The following ZNF385D variants were observed in gnomAD, a reference collection of about 807,000 sequenced individuals.
The protein encoded by ZNF385D is zinc finger protein 385D.
ZNF385D carries 15 observed loss-of-function variants against 35.8 expected under a neutral mutation model. The observed-to-expected ratio is 0.42, with a 90% CI of 0.28 to 0.64. The LOEUF (loss-of-function observed/expected upper bound fraction) is 0.64. Among genes scored for constraint, ZNF385D ranks in the 30% least tolerant of loss-of-function variants. The pLI is 0.23. For missense variants in ZNF385D, 474 were observed against 494.6 expected, an observed-to-expected ratio of 0.96 and a Z score of 0.39; for synonymous variants, 212 against 186.8, an observed-to-expected ratio of 1.13 and a Z score of -1.10.
chr3:21,744,330 A>C (rs12630043), intron 1 of ZNF385D, among the ~76,000 whole-genome samples: 13,162 of 152,290 alleles, frequency 0.086, 924 homozygotes, highest in East Asian at 0.28. Context: ...TTGCGTTTTT[A>C]TCCTCAGAGC....
intron 2 of ZNF385D, among the ~76,000 whole-genome samples, chr3:22,285,760 A>G (rs1701992577): frequency 6.6e-6 from 1 of 152,118 alleles, no homozygotes; most frequent in Non-Finnish European, 1.5e-5. Context: ...TTAGAAATTA[A>G]CATTCACTTT....
intron 2 of ZNF385D, among the ~76,000 whole-genome samples, chr3:22,241,867 C>A: frequency 6.6e-6 from 1 of 150,778 alleles, no homozygotes. Flanking sequence ...CTTGAATATT[C>A]TGAATATAGT....
intron 3 of ZNF385D, among the ~76,000 whole-genome samples, chr3:21,982,259 T>C (rs1331064122): frequency 1.3e-5 from 2 of 152,130 alleles, no homozygotes; most frequent in East Asian, 1.9e-4. Context: ...TTGAGCAATG[T>C]TTTGTAATTC....
intron 3 of ZNF385D, among the ~76,000 whole-genome samples, chr3:22,069,782 A>G (rs1700142005): frequency 1.3e-5 from 2 of 152,088 alleles, no homozygotes; most frequent in African/African-American, 2.4e-5. Context: ...ACATGGCCCT[A>G]TTGCTTTTCT....
chr3:22,164,092 AAT>A (rs1334306471), intron 3 of ZNF385D, among the ~76,000 whole-genome samples: 1 of 152,178 alleles, frequency 6.6e-6, no homozygotes, highest in South Asian at 2.1e-4. Flanking sequence ...TAAAAGAAAT[AAT>A]ATGTTTCTAT....
intron 3 of ZNF385D, among the ~76,000 whole-genome samples, chr3:21,887,594 G>T (rs1305533411): frequency 1.3e-5 from 2 of 152,042 alleles, no homozygotes; most frequent in Admixed American, 6.6e-5. Context: ...TGCTCTCATG[G>T]AAATTGTTTA....
intron 2 of ZNF385D, 26 bp from the exon 3 acceptor site, chr3:21,564,710 CAAATAG>C: frequency 7.1e-7 from 1 of 1,412,860 alleles, no homozygotes; most frequent in Non-Finnish European, 9.6e-7. Context: ...AGAAATACAA[CAAATAG>C]AAATAAAGCT....
chr3:22,174,990 A>G (rs1694720374), intron 2 of ZNF385D, among the ~76,000 whole-genome samples: 1 of 152,088 alleles, frequency 6.6e-6, no homozygotes, highest in African/African-American at 2.4e-5. Context: ...AGAATCCACC[A>G]ATACTGACTT....
chr3:21,702,747 C>T lies in ZNF385D; in HGVS notation c.23-37719G>A, dbSNP rs867131205. Among the ~76,000 whole-genome samples, 16 of 152,314 alleles carry T rather than the reference C, an allele frequency of 1.1e-4. No homozygotes were observed. The Middle Eastern group carries it at 0.01, about 97-fold the overall frequency. On this transcript the variant is annotated intron_variant, in intron 1 of 7. Transcript: ENST00000281523. ...ACCAGATACCCTAAATCATCTCTCT[C>T]ACGTTCAAAGTTCCACAAATCTCTA...
At chr3:21,549,879 G>A (rs138409885) in intron 3 of ZNF385D, among the ~76,000 whole-genome samples, 8 of 152,172 alleles carry the variant, frequency 5.3e-5, no homozygotes, top group Non-Finnish European at 8.8e-5. Flanking sequence ...GGGATGCAGC[G>A]GCAACAACAT....
chr3:22,151,575 G>C (rs78271522), intron 3 of ZNF385D, among the ~76,000 whole-genome samples: 5,425 of 152,180 alleles, frequency 0.036, 313 homozygotes, highest in African/African-American at 0.12. Context: ...GTGACTAAAG[G>C]CAAGTCAGCT....
At chr3:21,554,313 A>G (rs62236079) in intron 3 of ZNF385D, among the ~76,000 whole-genome samples, 23,907 of 152,196 alleles carry the variant, frequency 0.16, 1,882 homozygotes, top group Non-Finnish European at 0.17. Flanking sequence ...TATGAGGTAC[A>G]TTGTCAATGA....
intron 3 of ZNF385D, among the ~76,000 whole-genome samples, chr3:22,038,762 C>T (rs546095078): frequency 2.6e-5 from 4 of 151,760 alleles, no homozygotes; most frequent in East Asian, 1.9e-4. Flanking sequence ...ATTTCATACA[C>T]ACTAAGGAAA....
At chr3:21,747,204 T>C (rs1198367307) in intron 1 of ZNF385D, among the ~76,000 whole-genome samples, 3 of 152,232 alleles carry the variant, frequency 2.0e-5, no homozygotes, top group Non-Finnish European at 4.4e-5. Flanking sequence ...CTTGAATGAT[T>C]CATTCACACT....
At chr3:21,601,358 G>C (rs28520931) in intron 2 of ZNF385D, among the ~76,000 whole-genome samples, 35,951 of 152,116 alleles carry the variant, frequency 0.24, 4,551 homozygotes, top group Middle Eastern at 0.31. Context: ...CAGCTAATGA[G>C]GCCATTTGTG....
intron 3 of ZNF385D, among the ~76,000 whole-genome samples, chr3:22,167,598 G>A (rs1033651416): frequency 1.3e-5 from 2 of 152,174 alleles, no homozygotes; most frequent in South Asian, 2.1e-4. Flanking sequence ...AATAAGCAGA[G>A]GGCAGCCAGC....
intron 3 of ZNF385D, among the ~76,000 whole-genome samples, chr3:22,069,350 G>A (rs928106146): frequency 2.0e-5 from 3 of 152,108 alleles, no homozygotes; most frequent in Admixed American, 6.6e-5. Flanking sequence ...AGAATAAAAC[G>A]AATATGAGAA....
At chr3:21,702,553 T>C (rs181269368) in intron 1 of ZNF385D, among the ~76,000 whole-genome samples, 1 of 152,256 alleles carries the variant, frequency 6.6e-6, no homozygotes, top group Non-Finnish European at 1.5e-5. Flanking sequence ...CTTATGCAAA[T>C]TTCTGCAGCC....
chr3:22,310,920 TTTAA>T (rs1426348799), intron 2 of ZNF385D, among the ~76,000 whole-genome samples: 2 of 151,922 alleles, frequency 1.3e-5, no homozygotes, highest in African/African-American at 2.4e-5. Flanking sequence ...TGTTTCAGTG[TTTAA>T]TTTTGTTTAT....
Sources: gnomAD v4.1 joint callset for allele counts (sites outside exome capture counted in the v4.1 genomes callset) on GRCh38, gnomAD v4.1.1 for gene constraint, MANE v1.5 for transcripts, NCBI Gene and HGNC (gene_info 2026-07-23, HGNC 2026-07-21) for gene names.